INSIG1: variants seen among roughly 807,000 people sequenced by gnomAD.
INSIG1 encodes the protein insulin induced gene 1.
INSIG1 carries 14 observed loss-of-function variants against 26.5 expected under a neutral mutation model. The ratio of observed to expected loss-of-function variants is 0.53; its 90% CI spans 0.35 to 0.83. INSIG1 has a LOEUF of 0.83. Ranked by LOEUF, INSIG1 falls within the 40% of genes least tolerant of loss-of-function variation. The probability of loss-of-function intolerance (pLI) is 0.01; values close to 1 mark genes in which losing one functional copy is unlikely to be tolerated. For synonymous variants in INSIG1, 147 were observed against 153.3 expected, an observed-to-expected ratio of 0.96 and a Z score of 0.30; for missense variants, 272 against 368.9, an observed-to-expected ratio of 0.74 and a Z score of 2.15.
At chr7:155,306,446 C>G (rs1328713931) in intron 5 of INSIG1, among the ~76,000 whole-genome samples, 1 of 152,260 alleles carries the variant, frequency 6.6e-6, no homozygotes, top group African/African-American at 2.4e-5. Flanking sequence ...ACTGCCCGGC[C>G]CCACTGGGCC....
intron 5 of INSIG1, among the ~76,000 whole-genome samples, chr7:155,306,085 C>T (rs1282490552): frequency 1.3e-5 from 2 of 152,142 alleles, no homozygotes; most frequent in African/African-American, 2.4e-5. Flanking sequence ...GCATTTGAAC[C>T]GTCTCCCAGG....
chr7:155,303,976 C>CTTTT lies in INSIG1; in HGVS notation c.804+1149_804+1152dup, dbSNP rs11385167. 6.5e-4 allele frequency: 171 copies of CTTTT among 263,558 alleles called. 1 individual carries two copies. Among genetic ancestry groups the CTTTT allele is most frequent in the African/African-American group, 3.9e-3 (119 of 30,736 alleles). The allele number at this position is 263,558 out of a possible 1,614,324, so 16.3% of individuals were successfully genotyped here. ...ATGGAGAAGAAAGGACTTTGCTTGC[C>CTTTT]TTTTTTTTTTTTTTTTTTTTTTGAG... On this transcript the variant is annotated intron_variant, in intron 5 of 5. Transcript: ENST00000340368.
At chr7:155,308,211 T>C (rs1183393504) in intron 5 of INSIG1, 30 bp from the exon 6 acceptor site, 1 of 1,210,360 alleles carries the variant, frequency 8.3e-7, no homozygotes, top group Non-Finnish European at 1.2e-6. Flanking sequence ...TAATTTTCTC[T>C]TTCCTTTTTT....
intron 5 of INSIG1, among the ~76,000 whole-genome samples, chr7:155,306,717 G>T (rs566319620): frequency 1.4e-3 from 212 of 152,340 alleles, no homozygotes; most frequent in Non-Finnish European, 1.7e-3. Context: ...TTGCAGCTTA[G>T]GAAGATTAAA....
chr7:155,298,385 G>C lies in INSIG1; in HGVS notation c.100G>C (p.Val34Leu). 1.3e-6 allele frequency: 2 copies of C among 1,563,676 alleles called. No homozygotes were observed. Among genetic ancestry groups the C allele is most frequent in the Non-Finnish European group, 1.7e-6 (2 of 1,156,184 alleles). Residue 34 changes from valine (V) to leucine (L), a missense_variant, in exon 2 of 6, where the codon GTT (valine) becomes CTT (leucine). Val to Leu is a conservative substitution (Grantham distance 32). This residue lies in a region of INSIG1 where 161 missense variants were observed against 179.2 expected (regional missense o/e 0.90). Transcript: ENST00000340368. Reference protein sequence around the residue: ...RASAAGLAAKVGEMINVSVSG... With the variant: ...RASAAGLAAKLGEMINVSVSG... ...CAGCGCCGCGGGGCTGGCGGCCAAG[G>C]TTGGGGAGATGATCAACGTTTCCGT...
Position 155,309,833 on chromosome 7 carries a change from A to G in INSIG1, c.*1563A>G, listed in dbSNP as rs1798036946. The G allele has an allele frequency of 6.6e-6, 1 of 152,500 alleles. No homozygotes were observed. Among genetic ancestry groups the G allele is most frequent in the South Asian group, 2.1e-4 (1 of 4,834 alleles). The allele number at this position is 152,500 out of a possible 1,614,324, so 9.4% of individuals were successfully genotyped here. On this transcript the variant is annotated 3_prime_UTR_variant, in exon 6 of 6. Coordinates refer to ENST00000340368, the MANE Select transcript of INSIG1 (RefSeq NM_005542.6). The stretch of plus-strand genomic sequence containing the variant: ...CTGAACTTTGGAATGACCCCCTTAT[A>G]TATTTTCTGAAAATGAAAACAGTTA...
chr7:155,298,661 G>A lies in INSIG1; in HGVS notation c.376G>A (p.Ala126Thr). Reference sequence around the variant, plus strand: ...GGTGATCGCCACCATCTTTTCCTCCGCCTGGTGGGTCCCTCCCTGCTGCGG... The same window carrying A: ...GGTGATCGCCACCATCTTTTCCTCCACCTGGTGGGTCCCTCCCTGCTGCGG... The part of the protein sequence containing the change: ...EEVIATIFSS[A>T]WWVPPCCGTA... Residue 126 changes from alanine to threonine, a missense_variant, in exon 2 of 6, where the codon GCC (alanine) becomes ACC (threonine). Physicochemically the swap from Ala to Thr is moderately conservative, Grantham distance 58 (BLOSUM62 0). This residue lies in a region of INSIG1 where 161 missense variants were observed against 179.2 expected (regional missense o/e 0.90). Coordinates refer to ENST00000340368, the MANE Select transcript of INSIG1 (RefSeq NM_005542.6). 1.9e-6 allele frequency: 3 copies of A among 1,612,468 alleles called. No individual in the cohort carries two copies. Among genetic ancestry groups the A allele is most frequent in the Non-Finnish European group, 2.5e-6 (3 of 1,179,926 alleles).
chr7:155,304,378 G>A (rs1797879116), intron 5 of INSIG1, among the ~76,000 whole-genome samples: 1 of 152,206 alleles, frequency 6.6e-6, no homozygotes. Flanking sequence ...CTCCATCATT[G>A]CTTTCTTGCT....
At chr7:155,301,245 G>T (rs1248663994) in intron 2 of INSIG1, among the ~76,000 whole-genome samples, 1 of 152,186 alleles carries the variant, frequency 6.6e-6, no homozygotes, top group Non-Finnish European at 1.5e-5. Flanking sequence ...TGTGCTTTAG[G>T]CAAATGTGGA....
Position 155,302,802 on chromosome 7 carries a change from T to A in INSIG1, c.760T>A (p.Ser254Thr). 1 of 1,612,782 alleles carries A rather than the reference T, an allele frequency of 6.2e-7. No homozygotes were observed. The highest frequency in any genetic ancestry group is 8.5e-7 in the Non-Finnish European group (1 of 1,178,796). The change falls in exon 5 of 6, where the codon TCA becomes ACA. Residue 254 changes from serine (S) to threonine (T), a missense_variant. Ser to Thr is a moderately conservative substitution (Grantham distance 58). Coordinates refer to ENST00000340368, the MANE Select transcript of INSIG1 (RefSeq NM_005542.6). This position sits in a 1 kb window ranked among gnomAD's most constrained non-coding sequence, Gnocchi z 4.3. ...IRSWLPCIFF[S>T]GGVTVGNIGR... ...TTCTTGGCTCCCTTGTATATTTTTC[T>A]CAGGAGGCGTCACGGTGGGGAACAT...
chr7:155,302,787 C>T lies in INSIG1; in HGVS notation c.745C>T (p.Pro249Ser). Residue 249 changes from proline (P) to serine (S), a missense_variant, in exon 5 of 6, where the codon CCT becomes TCT. This residue lies in a region of INSIG1 where 111 missense variants were observed against 189.8 expected (regional missense o/e 0.58). Transcript: ENST00000340368. The surrounding 1 kb of genome is among the most constrained non-coding windows in gnomAD (Gnocchi z 4.3). ...TTTCCTCTATATTCGTTCTTGGCTC[C>T]CTTGTATATTTTTCTCAGGAGGCGT... is the stretch of plus-strand genomic sequence containing the variant. Reference protein sequence around the residue: ...PDFLYIRSWLPCIFFSGGVTV... With the variant: ...PDFLYIRSWLSCIFFSGGVTV... 1.2e-6 allele frequency: 2 copies of T among 1,612,840 alleles called. No individual in the cohort carries two copies. The highest frequency in any genetic ancestry group is 1.7e-6 in the Non-Finnish European group (2 of 1,179,010).
At chr7:155,300,011 A>T (rs2150894713) in intron 2 of INSIG1, among the ~76,000 whole-genome samples, 1 of 152,188 alleles carries the variant, frequency 6.6e-6, no homozygotes, top group African/African-American at 2.4e-5. Flanking sequence ...TAGTGGGTAG[A>T]ATGTTTTCAT....
chr7:155,303,362 G>A (rs1371360018), intron 5 of INSIG1, among the ~76,000 whole-genome samples: 1 of 152,250 alleles, frequency 6.6e-6, no homozygotes, highest in Non-Finnish European at 1.5e-5. Flanking sequence ...GGACTAATGT[G>A]GGTGGGCAAG....
intron 3 of INSIG1, among the ~76,000 whole-genome samples, chr7:155,301,960 T>G (rs1465974208): frequency 6.9e-6 from 1 of 144,540 alleles, no homozygotes; most frequent in Non-Finnish European, 1.5e-5. Flanking sequence ...ATATATATAA[T>G]AAATATATAT....
Position 155,302,979 on chromosome 7 carries a change from T to A in INSIG1, c.804+133T>A. 1.8e-6 allele frequency: 1 copy of A among 562,002 alleles called. No individual in the cohort carries two copies. Among genetic ancestry groups the A allele is most frequent in the Non-Finnish European group, 3.2e-6 (1 of 310,704 alleles). 34.8% of individuals were successfully genotyped at this position (562,002 alleles called of 1,614,324 possible). On this transcript the variant is annotated intron_variant, in intron 5 of 5. Coordinates refer to ENST00000340368, the MANE Select transcript of INSIG1 (RefSeq NM_005542.6). The surrounding 1 kb of genome is among the most constrained non-coding windows in gnomAD (Gnocchi z 4.3). ...TGAGTGACAACTACTGAGAAAAGCT[T>A]ATATTTAAAAAAATAGGTAATGATA...
At chr7:155,300,963 T>C (rs1020212561) in intron 2 of INSIG1, among the ~76,000 whole-genome samples, 8 of 152,230 alleles carry the variant, frequency 5.3e-5, no homozygotes, top group African/African-American at 1.9e-4. Flanking sequence ...CATGTGCATG[T>C]GTGCACAGTA....
chr7:155,301,486 T>C (rs371316274), intron 2 of INSIG1, 80 bp from the exon 3 acceptor site: 1 of 1,304,208 alleles, frequency 7.7e-7, no homozygotes, highest in Admixed American at 2.0e-5. Flanking sequence ...TTGAGTAATG[T>C]ACTGTGTTAC....
chr7:155,303,017 T>C lies in INSIG1; in HGVS notation c.804+171T>C, dbSNP rs893572184. ...ATAGGTAATGATACCCAGGTAATTC[T>C]TTGCTAAATTATAAAAATTCATAAT... On this transcript the variant is annotated intron_variant, in intron 5 of 5. Transcript: ENST00000340368. The C allele has an allele frequency of 7.9e-6, 4 of 508,144 alleles. No individual in the cohort carries two copies. In the Admixed American group the frequency reaches 1.3e-4, roughly 16 times the overall value. 31.5% of individuals were successfully genotyped at this position (508,144 alleles called of 1,614,324 possible).
Position 155,298,336 on chromosome 7 carries a change from G to T in INSIG1, c.51G>T (p.Ala17=), listed in dbSNP as rs1797681941. Residue 17 remains alanine (A), a synonymous_variant, in exon 2 of 6, where the codon GCG becomes GCT. Coordinates refer to ENST00000340368, the MANE Select transcript of INSIG1 (RefSeq NM_005542.6). ...GGAGCTGCTCCTGTGCGCACAGCGC[G>T]AGGCGCCGAGGCCCCCCGCGAGCCA... is the stretch of plus-strand genomic sequence containing the variant. The part of the protein sequence containing the change: ...HFWSCSCAHS[A]RRRGPPRASA... 4 of 1,508,444 alleles carry T rather than the reference G, an allele frequency of 2.7e-6. No homozygotes were observed. Among genetic ancestry groups the T allele is most frequent in the Non-Finnish European group, 2.6e-6 (3 of 1,137,354 alleles). The allele number at this position is 1,508,444 out of a possible 1,614,324, so 93.4% of individuals were successfully genotyped here.
Sources: allele counts gnomAD v4.1 joint callset (sites outside exome capture counted in the v4.1 genomes callset), GRCh38; gene constraint gnomAD v4.1.1; regional missense constraint gnomAD v4.1.1; non-coding constraint Gnocchi (gnomAD v3.1); transcripts MANE v1.5; gene names NCBI Gene and HGNC (gene_info 2026-07-23, HGNC 2026-07-21).